The following GOSR1 variants were observed in gnomAD, a reference collection of about 807,000 sequenced individuals.
The protein encoded by GOSR1 is 28 kDa Golgi SNARE protein.
A neutral mutation model predicts 35.5 loss-of-function variants in GOSR1; 21 were observed. The observed-to-expected ratio is 0.59, with a 90% CI of 0.42 to 0.85. The LOEUF (loss-of-function observed/expected upper bound fraction) is 0.85. Ranked by LOEUF, GOSR1 falls within the 40% of genes least tolerant of loss-of-function variation. The pLI is 0.00. For missense variants in GOSR1, 285 were observed against 309.6 expected (o/e 0.92, Z 0.60); for synonymous variants, 94 against 106.6 (o/e 0.88, Z 0.73).
intron 7 of GOSR1, among the ~76,000 whole-genome samples, chr17:30,513,052 A>G (rs566289752): frequency 2.0e-5 from 3 of 151,896 alleles, no homozygotes; most frequent in Admixed American, 6.5e-5. Context: ...TTCACTGAGT[A>G]TAAAGCTAGT....
intron 6 of GOSR1, among the ~76,000 whole-genome samples, chr17:30,508,106 G>T (rs1967472632): frequency 6.6e-6 from 1 of 152,166 alleles, no homozygotes; most frequent in South Asian, 2.1e-4. Flanking sequence ...TTTGTTGGGA[G>T]GATGAAGTTA....
chr17:30,495,635 C>G (rs564746409), intron 6 of GOSR1: 200 of 318,888 alleles, frequency 6.3e-4, no homozygotes, highest in African/African-American at 4.0e-3. Flanking sequence ...CACATTTTCT[C>G]CTTCCAAGCC....
chr17:30,486,098 T>G (rs986180044), intron 4 of GOSR1, among the ~76,000 whole-genome samples: 17 of 151,750 alleles, frequency 1.1e-4, no homozygotes, highest in African/African-American at 4.1e-4. Context: ...AAGCTAGCAT[T>G]GTGTTTAAAG....
chr17:30,506,817 G>A (rs576788990), intron 6 of GOSR1, among the ~76,000 whole-genome samples: 2 of 152,296 alleles, frequency 1.3e-5, no homozygotes, highest in South Asian at 4.1e-4. Flanking sequence ...GATACAGCTG[G>A]TGACTTTAAA....
intron 4 of GOSR1, among the ~76,000 whole-genome samples, chr17:30,488,919 A>G (rs73279528): frequency 0.052 from 7,979 of 152,282 alleles, 664 homozygotes; most frequent in African/African-American, 0.17. Context: ...TGATAGTCAT[A>G]AGATAATATT....
chr17:30,526,038 G>T lies in GOSR1; in HGVS notation c.*3660G>T, dbSNP rs182436278. On this transcript the variant is annotated 3_prime_UTR_variant, in exon 9 of 9. Transcript: ENST00000451249. ...TGTCCACAGGAAGGGGCTCCGTGGG[G>T]ATCCCATGAAGGGATTTGAGCTCTT... 1,241 of 152,296 alleles carry T rather than the reference G, an allele frequency of 8.1e-3. 13 individuals carry two copies. The highest frequency in any genetic ancestry group is 0.037 in the South Asian group (180 of 4,818). The allele number at this position is 152,296 out of a possible 1,614,324, so 9.4% of individuals were successfully genotyped here.
Position 30,484,355 on chromosome 17 carries a change from T to C in GOSR1, c.234+54T>C. The C allele has an allele frequency of 1.2e-5, 11 of 953,758 alleles. No homozygotes were observed. In the South Asian group the frequency reaches 1.2e-4, roughly 10 times the overall value. The allele number at this position is 953,758 out of a possible 1,614,324, so 59.1% of individuals were successfully genotyped here. A position where few individuals can be genotyped will look rare whatever the true frequency, so the allele number is the denominator to read the frequency against. On this transcript the variant is annotated intron_variant, in intron 3 of 8. Coordinates refer to ENST00000451249, the MANE Select transcript of GOSR1 (RefSeq NM_001007025.2). ...TGCAAATAACTGTATACTTGTTACG[T>C]AGGATCCTGGATTATATTGAGACAG...
intron 6 of GOSR1, among the ~76,000 whole-genome samples, chr17:30,508,648 C>G (rs533994613): frequency 1.1e-4 from 17 of 152,284 alleles, no homozygotes; most frequent in Admixed American, 5.9e-4. Context: ...TAGATTTCAT[C>G]AGAATAGTGA....
At chr17:30,487,194 G>GT (rs1320064968) in intron 4 of GOSR1, among the ~76,000 whole-genome samples, 1 of 152,146 alleles carries the variant, frequency 6.6e-6, no homozygotes, top group Non-Finnish European at 1.5e-5. Context: ...TAAAGATGTT[G>GT]TTTAAAATCA....
At chr17:30,506,878 T>C (rs1967420211) in intron 6 of GOSR1, among the ~76,000 whole-genome samples, 2 of 152,176 alleles carry the variant, frequency 1.3e-5, no homozygotes, top group African/African-American at 4.8e-5. Context: ...CCCTTAACAG[T>C]TATGCTCAAT....
chr17:30,481,264 G>A lies in GOSR1; in HGVS notation c.146+7G>A, dbSNP rs1300864387. 3.7e-6 allele frequency: 6 copies of A among 1,601,458 alleles called. No homozygotes were observed. The East Asian group carries it at 6.7e-5, about 18-fold the overall frequency. ...GAGATGGAAGACGCGACAGGTATAG[G>A]TACTACCAGATTCTGTCTCCTATGC... On this transcript the variant is annotated splice_region_variant and intron_variant, in intron 2 of 8. Transcript: ENST00000451249.
chr17:30,510,726 A>G (rs1967583520), intron 6 of GOSR1, 154 bp from the exon 7 acceptor site: 1 of 514,478 alleles, frequency 1.9e-6, no homozygotes, highest in African/African-American at 2.0e-5. Context: ...AAAAGAAAAA[A>G]ATTAGAGTCC....
At chr17:30,500,954 C>T (rs975553056) in intron 6 of GOSR1, among the ~76,000 whole-genome samples, 7 of 150,558 alleles carry the variant, frequency 4.6e-5, no homozygotes, top group Admixed American at 3.3e-4. Flanking sequence ...GATCTCGGCT[C>T]ACTGCAAGCT....
Position 30,519,888 on chromosome 17 carries a change from C to T in GOSR1, c.540-51C>T, listed in dbSNP as rs1304780799. The T allele has an allele frequency of 2.7e-6, 3 of 1,097,960 alleles. No homozygotes were observed. In the South Asian group the frequency reaches 3.8e-5, roughly 14 times the overall value. 68.0% of individuals were successfully genotyped at this position (1,097,960 alleles called of 1,614,324 possible). On this transcript the variant is annotated intron_variant, in intron 7 of 8. Transcript: ENST00000451249. ...TTCACTTTTAAAGGCATGATGGTTC[C>T]AGGCAGGATAATCTTAAATGGTGAT...
At chr17:30,479,717 C>T (rs539878197) in intron 1 of GOSR1, 2 of 152,432 alleles carry the variant, frequency 1.3e-5, no homozygotes, top group South Asian at 4.1e-4. Flanking sequence ...ACCGTGTTAG[C>T]TAGGATGGTC....
intron 7 of GOSR1, among the ~76,000 whole-genome samples, chr17:30,511,879 G>T (rs1967627329): frequency 6.6e-6 from 1 of 152,124 alleles, no homozygotes; most frequent in Non-Finnish European, 1.5e-5. Context: ...AAAGTACTTT[G>T]CATGCATTAT....
intron 6 of GOSR1, among the ~76,000 whole-genome samples, chr17:30,497,237 T>TAAG (rs1376481340): frequency 2.0e-5 from 3 of 152,032 alleles, no homozygotes; most frequent in Non-Finnish European, 4.4e-5. Context: ...GTCTCTGAAA[T>TAAG]AATAATAATA....
intron 6 of GOSR1, among the ~76,000 whole-genome samples, chr17:30,502,240 A>T (rs1838708665): frequency 6.6e-6 from 1 of 152,242 alleles, no homozygotes; most frequent in South Asian, 2.1e-4. Flanking sequence ...CAGGATACTT[A>T]GGGCAGTAAA....
rs533474905 is a variant in GOSR1, at chr17:30,523,072, C to G, written c.*694C>G. 1.7e-5 allele frequency: 3 copies of G among 176,484 alleles called. No homozygotes were observed. Among genetic ancestry groups the G allele is most frequent in the African/African-American group, 7.2e-5 (3 of 41,628 alleles). The allele number at this position is 176,484 out of a possible 1,614,324, so 10.9% of individuals were successfully genotyped here. A position where few individuals can be genotyped will look rare whatever the true frequency, so the allele number is the denominator to read the frequency against. On this transcript the variant is annotated 3_prime_UTR_variant, in exon 9 of 9. Coordinates refer to ENST00000451249, the MANE Select transcript of GOSR1 (RefSeq NM_001007025.2). Reference sequence around the variant, plus strand: ...AGGCTGGAGTGCAGTGGCGTGATCTCGGCTCACTACAACCTCCACCTCCCA... The same window carrying G: ...AGGCTGGAGTGCAGTGGCGTGATCTGGGCTCACTACAACCTCCACCTCCCA...
Sources: gnomAD v4.1 joint callset for allele counts (sites outside exome capture counted in the v4.1 genomes callset) on GRCh38, gnomAD v4.1.1 for gene constraint, MANE v1.5 for transcripts, NCBI Gene and HGNC (gene_info 2026-07-23, HGNC 2026-07-21) for gene names.